The following ANKRD6 variants were observed in gnomAD, a reference collection of about 807,000 sequenced individuals.
ANKRD6 encodes the protein ankyrin repeat domain 6.
A neutral mutation model predicts 82.3 loss-of-function variants in ANKRD6; 56 were observed. The ratio of observed to expected loss-of-function variants is 0.68; its 90% CI spans 0.55 to 0.85. The LOEUF is 0.85. Ranked by LOEUF, ANKRD6 falls within the 40% of genes least tolerant of loss-of-function variation. The pLI, the probability that ANKRD6 is intolerant of heterozygous loss-of-function variation, is 0.00. For synonymous variants in ANKRD6, 347 were observed against 352.1 expected, an observed-to-expected ratio of 0.99 and a Z score of 0.16; for missense variants, 852 against 907.6, an observed-to-expected ratio of 0.94 and a Z score of 0.79.
chr6:89,596,259 T>G (rs1795869869), intron 3 of ANKRD6, among the ~76,000 whole-genome samples: 1 of 152,078 alleles, frequency 6.6e-6, no homozygotes, highest in Non-Finnish European at 1.5e-5. Context: ...TTCCTGTCTA[T>G]TATTCAAGTG....
chr6:89,603,088 G>T lies in ANKRD6; in HGVS notation c.279G>T (p.Ala93=), dbSNP rs758401337. 46 of 1,607,796 alleles carry T rather than the reference G, an allele frequency of 2.9e-5. No individual in the cohort carries two copies. The highest frequency in any genetic ancestry group is 3.7e-5 in the Non-Finnish European group (44 of 1,177,454). Reference sequence around the variant, plus strand: ...TGGGGAACACGGAGATCATCGCGGCGCTCATCCACGAAGGGTGTGCCCTGG... The same window carrying T: ...TGGGGAACACGGAGATCATCGCGGCTCTCATCCACGAAGGGTGTGCCCTGG... ...TVVGNTEIIA[A]LIHEGCALDR... The change falls in exon 4 of 16, where the codon GCG becomes GCT. Residue 93 remains alanine (A), a synonymous_variant. Transcript: ENST00000339746.
intron 11 of ANKRD6, among the ~76,000 whole-genome samples, 155 bp downstream of exon 11, chr6:89,623,699 T>C (rs931675250): frequency 6.6e-6 from 1 of 152,184 alleles, no homozygotes; most frequent in Non-Finnish European, 1.5e-5. Context: ...ACATCAGACA[T>C]AAGGTGAATG....
rs897543600 is a variant in ANKRD6, at chr6:89,631,242, T to C, written c.*238T>C. 2 of 599,532 alleles carry C rather than the reference T, an allele frequency of 3.3e-6. No individual in the cohort carries two copies. The highest frequency in any genetic ancestry group is 4.9e-6 in the Non-Finnish European group (2 of 404,452). The allele number at this position is 599,532 out of a possible 1,614,324, so 37.1% of individuals were successfully genotyped here. Reference sequence around the variant, plus strand: ...AGTTTTGGGTTTCATTATAAACTCTTAGCCTCAGTCCAGGTTAATCTGAAG... The same window carrying C: ...AGTTTTGGGTTTCATTATAAACTCTCAGCCTCAGTCCAGGTTAATCTGAAG... On this transcript the variant is annotated 3_prime_UTR_variant, in exon 16 of 16. Coordinates refer to ENST00000339746, the MANE Select transcript of ANKRD6 (RefSeq NM_001242809.2).
chr6:89,598,251 C>G (rs1796328718), intron 3 of ANKRD6: 1 of 985,238 alleles, frequency 1.0e-6, no homozygotes, highest in Non-Finnish European at 1.2e-6. Flanking sequence ...CCAATCGTGT[C>G]AACTCTCATT....
At chr6:89,460,625 G>A (rs540142476) in intron 1 of ANKRD6, among the ~76,000 whole-genome samples, 12 of 151,856 alleles carry the variant, frequency 7.9e-5, no homozygotes, top group South Asian at 6.3e-4. Context: ...TAGTAGAGAC[G>A]GGGTTTCACC....
At chr6:89,501,310 C>T (rs1393318379) in intron 1 of ANKRD6, among the ~76,000 whole-genome samples, 1 of 152,314 alleles carries the variant, frequency 6.6e-6, no homozygotes, top group East Asian at 1.9e-4. Flanking sequence ...CAAATACTTT[C>T]AGCAAAAAGT....
chr6:89,495,229 T>C (rs1334126390), intron 1 of ANKRD6, among the ~76,000 whole-genome samples: 3 of 150,996 alleles, frequency 2.0e-5, no homozygotes, highest in Non-Finnish European at 2.9e-5. Context: ...CGAGACTCCA[T>C]CTCAAAACAA....
chr6:89,620,880 A>C (rs76383471), intron 9 of ANKRD6, among the ~76,000 whole-genome samples: 2 of 152,072 alleles, frequency 1.3e-5, no homozygotes, highest in African/African-American at 4.8e-5. Context: ...CCTGGCTAGC[A>C]CGGTGAAACC....
intron 1 of ANKRD6, among the ~76,000 whole-genome samples, chr6:89,553,311 T>C (rs1473362957): frequency 1.3e-5 from 2 of 152,150 alleles, no homozygotes; most frequent in Admixed American, 6.5e-5. Flanking sequence ...CAAGTATGTG[T>C]CACTGGGAGA....
At chr6:89,550,753 C>T (rs556656985) in intron 1 of ANKRD6, among the ~76,000 whole-genome samples, 5 of 152,158 alleles carry the variant, frequency 3.3e-5, no homozygotes, top group South Asian at 2.1e-4. Flanking sequence ...GTCAGGAGTT[C>T]GAGACCAGCC....
At chr6:89,547,950 A>G (rs891338525) in intron 1 of ANKRD6, among the ~76,000 whole-genome samples, 1 of 152,326 alleles carries the variant, frequency 6.6e-6, no homozygotes, top group South Asian at 2.1e-4. Flanking sequence ...CAGGGCTTCA[A>G]TGACTTGCCT....
At chr6:89,437,348 A>G (rs773025244) in intron 1 of ANKRD6, among the ~76,000 whole-genome samples, 56 of 152,272 alleles carry the variant, frequency 3.7e-4, no homozygotes, top group Middle Eastern at 6.8e-3. Flanking sequence ...GCCCCCAGCT[A>G]TTCATCTGGA....
intron 1 of ANKRD6, among the ~76,000 whole-genome samples, chr6:89,524,866 T>G (rs916002437): frequency 6.6e-6 from 1 of 152,182 alleles, no homozygotes; most frequent in Non-Finnish European, 1.5e-5. Context: ...GTGTTCCCTA[T>G]TCACATCCAT....
chr6:89,610,434 G>A (rs77239155), intron 5 of ANKRD6, among the ~76,000 whole-genome samples: 7 of 152,122 alleles, frequency 4.6e-5, no homozygotes, highest in African/African-American at 1.4e-4. Flanking sequence ...AATGGTTCAC[G>A]CCTCTTTATT....
intron 5 of ANKRD6, among the ~76,000 whole-genome samples, chr6:89,606,932 G>C (rs962954052): frequency 6.6e-6 from 1 of 151,986 alleles, no homozygotes; most frequent in Non-Finnish European, 1.5e-5. Flanking sequence ...ACTTTTAGGA[G>C]GCTGAGGCAG....
At chr6:89,553,631 G>A (rs1786163145) in intron 1 of ANKRD6, among the ~76,000 whole-genome samples, 1 of 152,092 alleles carries the variant, frequency 6.6e-6, no homozygotes, top group South Asian at 2.1e-4. Context: ...AGGCTGTCAC[G>A]CTCATTTCAG....
chr6:89,624,150 G>A, intron 12 of ANKRD6, 93 bp downstream of exon 12: 1 of 1,373,966 alleles, frequency 7.3e-7, no homozygotes, highest in Non-Finnish European at 9.8e-7. Context: ...GGCACTTTAG[G>A]CATTGACTTA....
At chr6:89,486,574 G>A (rs1777401085) in intron 1 of ANKRD6, among the ~76,000 whole-genome samples, 1 of 152,062 alleles carries the variant, frequency 6.6e-6, no homozygotes, top group Non-Finnish European at 1.5e-5. Context: ...TCTGAGAGCT[G>A]GGACATTTGA....
At chr6:89,583,320 A>G (rs1792993710) in intron 2 of ANKRD6, among the ~76,000 whole-genome samples, 1 of 152,256 alleles carries the variant, frequency 6.6e-6, no homozygotes, top group South Asian at 2.1e-4. Context: ...CAAGTTTATT[A>G]GCAGGAAATA....
Sources: gnomAD v4.1 joint callset for allele counts (sites outside exome capture counted in the v4.1 genomes callset) on GRCh38, gnomAD v4.1.1 for gene constraint, MANE v1.5 for transcripts, NCBI Gene and HGNC (gene_info 2026-07-23, HGNC 2026-07-21) for gene names.